TRIM25: variants seen among roughly 807,000 people sequenced by gnomAD.
The protein encoded by TRIM25 is E3 ubiquitin/ISG15 ligase TRIM25.
A neutral mutation model predicts 65.2 loss-of-function variants in TRIM25; 45 were observed. The observed-to-expected ratio is 0.69, with a 90% CI of 0.54 to 0.89. TRIM25 has a LOEUF of 0.89. Among genes scored for constraint, TRIM25 ranks in the 40% least tolerant of loss-of-function variants. The probability of loss-of-function intolerance (pLI) is 0.00; values close to 1 mark genes in which losing one functional copy is unlikely to be tolerated. For missense variants in TRIM25, 714 were observed against 803.7 expected, an observed-to-expected ratio of 0.89 and a Z score of 1.35; for synonymous variants, 321 against 340.4, an observed-to-expected ratio of 0.94 and a Z score of 0.63.
Position 56,913,296 on chromosome 17 carries a change from C to T in TRIM25, c.597+96G>A. On this transcript the variant is annotated intron_variant, in intron 1 of 8. Coordinates refer to ENST00000316881, the MANE Select transcript of TRIM25 (RefSeq NM_005082.5). This position sits in a 1 kb window ranked among gnomAD's most constrained non-coding sequence, Gnocchi z 6.1. ...GGCCTCGAATTCAGGCCCATCTCCCCAGGGCGTCCAGAGTGTGGCAGAGAG... is the reference window on the plus strand; with the variant it reads ...GGCCTCGAATTCAGGCCCATCTCCCTAGGGCGTCCAGAGTGTGGCAGAGAG... The T allele has an allele frequency of 8.3e-7, 1 of 1,211,380 alleles. No individual in the cohort carries two copies. The highest frequency in any genetic ancestry group is 1.1e-6 in the Non-Finnish European group (1 of 882,488). The allele number at this position is 1,211,380 out of a possible 1,614,324, so 75.0% of individuals were successfully genotyped here. A position where few individuals can be genotyped will look rare whatever the true frequency, so the allele number is the denominator to read the frequency against.
intron 4 of TRIM25, among the ~76,000 whole-genome samples, chr17:56,899,531 A>G (rs1909368161): frequency 6.6e-6 from 1 of 152,184 alleles, no homozygotes; most frequent in Non-Finnish European, 1.5e-5. Flanking sequence ...GATCAAGGTC[A>G]TGTAGCGGAG....
chr17:56,901,136 C>T (rs569840008), intron 4 of TRIM25, among the ~76,000 whole-genome samples: 4 of 152,300 alleles, frequency 2.6e-5, no homozygotes, highest in African/African-American at 7.2e-5. Context: ...TATTCAAAAC[C>T]CATCCAAGTT....
At position 56,895,451 on chromosome 17, in the gene TRIM25, G is replaced by A; in HGVS notation, c.1265-10C>T. The A allele has an allele frequency of 1.2e-6, 2 of 1,614,066 alleles. No individual in the cohort carries two copies. Among genetic ancestry groups the A allele is most frequent in the Non-Finnish European group, 8.5e-7 (1 of 1,179,964 alleles). The stretch of plus-strand genomic sequence containing the variant: ...GTGGCTTTGGCTGCAGCTGGGAGAG[G>A]AAACAGAGAGTGATTTGCAGAACAA... On this transcript the variant is annotated splice_polypyrimidine_tract_variant and intron_variant, in intron 7 of 8. Coordinates refer to ENST00000316881, the MANE Select transcript of TRIM25 (RefSeq NM_005082.5).
rs368803625 is a variant in TRIM25 at position 56,899,309 on chromosome 17, C to T, written c.1088-129G>A. 244 of 831,790 alleles carry T rather than the reference C, an allele frequency of 2.9e-4. 3 individuals are homozygous for T. In the South Asian group the frequency reaches 3.7e-3, roughly 13 times the overall value. 51.5% of individuals were successfully genotyped at this position (831,790 alleles called of 1,614,324 possible). A position where few individuals can be genotyped will look rare whatever the true frequency, so the allele number is the denominator to read the frequency against. ...CCATTTCCTCCGACCTTCCCCATCC[C>T]ATCGCTTACAAGAGCTACAAACAAG... On this transcript the variant is annotated intron_variant, in intron 4 of 8. Transcript: ENST00000316881.
intron 3 of TRIM25, among the ~76,000 whole-genome samples, chr17:56,902,306 T>A (rs976135999): frequency 1.3e-5 from 2 of 152,130 alleles, no homozygotes; most frequent in Non-Finnish European, 2.9e-5. Context: ...TAGCTGCAGG[T>A]CACTCAATCA....
chr17:56,906,482 G>A (rs560615415), intron 2 of TRIM25, among the ~76,000 whole-genome samples: 1 of 150,750 alleles, frequency 6.6e-6, no homozygotes, highest in South Asian at 2.1e-4. Context: ...AGGAATTCAA[G>A]TATTTCTTCG....
At chr17:56,906,827 A>C (rs1909530320) in intron 2 of TRIM25, among the ~76,000 whole-genome samples, 2 of 152,156 alleles carry the variant, frequency 1.3e-5, no homozygotes, top group Admixed American at 1.3e-4. Flanking sequence ...GCAACTTCTA[A>C]TGTGACTACA....
intron 5 of TRIM25, among the ~76,000 whole-genome samples, chr17:56,897,295 G>C (rs1328786913): frequency 1.3e-5 from 2 of 152,124 alleles, no homozygotes; most frequent in Non-Finnish European, 2.9e-5. Flanking sequence ...GAACAAAAAG[G>C]GGCGTTTTTG....
In TRIM25 at chr17:56,913,706, G is replaced by A; in HGVS notation, c.283C>T (p.Arg95Cys). 2 of 1,572,398 alleles carry A rather than the reference G, an allele frequency of 1.3e-6. No homozygotes were observed. Among genetic ancestry groups the A allele is most frequent in the Non-Finnish European group, 1.7e-6 (2 of 1,159,528 alleles). The change falls in exon 1 of 9, where the codon CGC (arginine) becomes TGC (cysteine). Residue 95 changes from arginine to cysteine, a missense_variant. This residue lies in a region of TRIM25 where 291 missense variants were observed against 281.8 expected (regional missense o/e 1.03). Transcript: ENST00000316881. This position sits in a 1 kb window ranked among gnomAD's most constrained non-coding sequence, Gnocchi z 6.1. ...GCATTCGGGCTGGGTGCAGAGGCGCGGGCGGGCGGCGTCCAGACGTCGGCG... is the reference window on the plus strand; with the variant it reads ...GCATTCGGGCTGGGTGCAGAGGCGCAGGCGGGCGGCGTCCAGACGTCGGCG... ...PPADVWTPPA[R>C]ASAPSPNAQV...
rs554230875 is a variant in TRIM25, at chr17:56,903,750, T to C, written c.927+505A>G. On this transcript the variant is annotated intron_variant, in intron 3 of 8. Coordinates refer to ENST00000316881, the MANE Select transcript of TRIM25 (RefSeq NM_005082.5). The stretch of plus-strand genomic sequence containing the variant: ...TTCATCAAAGGGCAATTATCTGGGG[T>C]GGGCCTGACTTAATCAGGTAAAAGA... 2.0e-5 allele frequency among the ~76,000 whole-genome samples: 3 copies of C among 152,250 alleles called. No homozygotes were observed. In the South Asian group the frequency reaches 6.2e-4, roughly 32 times the overall value.
chr17:56,909,345 A>T (rs1160530613), intron 1 of TRIM25, among the ~76,000 whole-genome samples: 1 of 152,148 alleles, frequency 6.6e-6, no homozygotes, highest in Non-Finnish European at 1.5e-5. Context: ...CAGAAATCAG[A>T]GTCCAAGGCT....
intron 1 of TRIM25, chr17:56,912,619 T>C (rs889919024): frequency 6.6e-6 from 1 of 152,246 alleles, no homozygotes; most frequent in Non-Finnish European, 1.5e-5. Flanking sequence ...GGCTGGTCCA[T>C]GGGAAGAAAT....
chr17:56,890,841 C>A lies in TRIM25; in HGVS notation c.*859G>T, dbSNP rs1176461058. Reference sequence around the variant, plus strand: ...CCCCCTCGCCTGGCAGAGTTCCTTGCCCCACAGCCAAGGCTATGGGAAGCA... The same window carrying A: ...CCCCCTCGCCTGGCAGAGTTCCTTGACCCACAGCCAAGGCTATGGGAAGCA... On this transcript the variant is annotated 3_prime_UTR_variant, in exon 9 of 9. Transcript: ENST00000316881. The A allele has an allele frequency of 2.2e-6, 1 of 456,638 alleles. No homozygotes were observed. Among genetic ancestry groups the A allele is most frequent in the South Asian group, 1.5e-5 (1 of 64,562 alleles). 28.3% of individuals were successfully genotyped at this position (456,638 alleles called of 1,614,324 possible). A position where few individuals can be genotyped will look rare whatever the true frequency, so the allele number is the denominator to read the frequency against.
At position 56,904,422 on chromosome 17, in the gene TRIM25, C is replaced by T. The variant is rs138531008; in HGVS notation, c.760G>A (p.Ala254Thr). 354 of 1,613,998 alleles carry T rather than the reference C, an allele frequency of 2.2e-4. No homozygotes were observed. The highest frequency in any genetic ancestry group is 2.5e-4 in the South Asian group (23 of 91,086). ...EYTEMKALLD[A>T]SETTSTRKIK... Reference sequence around the variant, plus strand: ...TTCCTTGTCGAGGTGGTCTCTGAGGCGTCCAAGAGAGCCTTCATTTCCGTG... The same window carrying T: ...TTCCTTGTCGAGGTGGTCTCTGAGGTGTCCAAGAGAGCCTTCATTTCCGTG... Residue 254 changes from alanine (A) to threonine (T), a missense_variant, in exon 3 of 9, where the codon GCC becomes ACC. Ala to Thr is a moderately conservative substitution (Grantham distance 58). Transcript: ENST00000316881.
intron 8 of TRIM25, among the ~76,000 whole-genome samples, chr17:56,893,463 G>T (rs1434427112): frequency 6.6e-6 from 1 of 152,240 alleles, no homozygotes; most frequent in Non-Finnish European, 1.5e-5. Context: ...TCTCTTGGGG[G>T]GCAGGGACAG....
chr17:56,907,251 C>A (rs1196912048), intron 2 of TRIM25, among the ~76,000 whole-genome samples: 2 of 152,234 alleles, frequency 1.3e-5, no homozygotes, highest in Non-Finnish European at 1.5e-5. Context: ...AAATAAACTT[C>A]AATCATATTT....
At chr17:56,903,863 A>G (rs1909464386) in intron 3 of TRIM25, among the ~76,000 whole-genome samples, 1 of 152,328 alleles carries the variant, frequency 6.6e-6, no homozygotes, top group African/African-American at 2.4e-5. Context: ...GACAGCCAGC[A>G]GGAAATTGCG....
chr17:56,913,940 G>T lies in TRIM25; in HGVS notation c.49C>A (p.Leu17Met). ...GTGACCGGCTCCTTGAAGGGCTCCA[G>T]GCAGATGGAGCACGACAGCTCCTCG... is the stretch of plus-strand genomic sequence containing the variant. The part of the protein sequence containing the change: ...LAEELSCSIC[L>M]EPFKEPVTTP... Residue 17 changes from leucine (L) to methionine (M), a missense_variant, in exon 1 of 9, where the codon CTG (leucine) becomes ATG (methionine). Physicochemically the swap from Leu to Met is conservative, Grantham distance 15. Coordinates refer to ENST00000316881, the MANE Select transcript of TRIM25 (RefSeq NM_005082.5). This position sits in a 1 kb window ranked among gnomAD's most constrained non-coding sequence, Gnocchi z 6.1. 6.3e-7 allele frequency: 1 copy of T among 1,588,156 alleles called. No homozygotes were observed. The highest frequency in any genetic ancestry group is 8.6e-7 in the Non-Finnish European group (1 of 1,167,940).
At chr17:56,897,930 T>C (rs1909325683) in intron 5 of TRIM25, among the ~76,000 whole-genome samples, 1 of 152,166 alleles carries the variant, frequency 6.6e-6, no homozygotes, top group African/African-American at 2.4e-5. Flanking sequence ...CTGACTCTGT[T>C]CCATTCGGGG....
Sources: gnomAD v4.1 joint callset for allele counts (sites outside exome capture counted in the v4.1 genomes callset) on GRCh38, gnomAD v4.1.1 for gene constraint, gnomAD v4.1.1 regional missense constraint, Gnocchi (gnomAD v3.1) non-coding constraint, MANE v1.5 for transcripts, NCBI Gene and HGNC (gene_info 2026-07-23, HGNC 2026-07-21) for gene names.